ZNF329: variants seen among roughly 807,000 people sequenced by gnomAD.
ZNF329 encodes the protein zinc finger protein 329.
ZNF329 carries 15 observed loss-of-function variants against 26.6 expected under a neutral mutation model. That is an observed-to-expected ratio of 0.56 (90% CI 0.38 to 0.87). The LOEUF (loss-of-function observed/expected upper bound fraction) is 0.87, where lower values mean the gene tolerates loss of function less well. Among genes scored for constraint, ZNF329 ranks in the 40% least tolerant of loss-of-function variants. ZNF329 has a pLI of 0.00. For missense variants in ZNF329, 651 were observed against 651.9 expected, an observed-to-expected ratio of 1.00 and a Z score of 0.02; for synonymous variants, 239 against 233.5, an observed-to-expected ratio of 1.02 and a Z score of -0.21.
rs2074831458 is a variant in ZNF329, at chr19:58,127,733, G to A, written c.*145C>T. On this transcript the variant is annotated 3_prime_UTR_variant, in exon 4 of 4. Transcript: ENST00000598312. ...TTCCCCAATGAGCAGACTTAACAGT[G>A]TGGCTCAGCAATGTCTCACATTCAT... The A allele has an allele frequency of 7.3e-6, 6 of 823,686 alleles. No homozygotes were observed. Among genetic ancestry groups the A allele is most frequent in the Non-Finnish European group, 1.1e-5 (6 of 533,194 alleles). 51.0% of individuals were successfully genotyped at this position (823,686 alleles called of 1,614,324 possible).
In ZNF329 at chr19:58,128,523, G is replaced by A; in HGVS notation, c.981C>T (p.Ile327=). 2 of 1,614,178 alleles carry A rather than the reference G, an allele frequency of 1.2e-6. No individual in the cohort carries two copies. The highest frequency in any genetic ancestry group is 1.7e-6 in the Non-Finnish European group (2 of 1,180,014). Residue 327 remains isoleucine (I), a synonymous_variant, in exon 4 of 4, where the codon ATC becomes ATT. Transcript: ENST00000598312. ...CNECGKPFTD[I]SHLTVHLRIH... ...TTCTGAGATGCACTGTAAGGTGGGAGATGTCAGTGAAGGGTTTCCCACATT... is the reference window on the plus strand; with the variant it reads ...TTCTGAGATGCACTGTAAGGTGGGAAATGTCAGTGAAGGGTTTCCCACATT...
At chr19:58,153,298 C>A (rs1208373447), upstream of ZNF329, among the ~76,000 whole-genome samples, 1 of 152,052 alleles carries the variant, frequency 6.6e-6, no homozygotes, top group Non-Finnish European at 1.5e-5. Flanking sequence ...TTAGTAGAGA[C>A]AGGGTTTCAC....
chr19:58,146,695 C>A (rs2146125432), intron 1 of ZNF329, among the ~76,000 whole-genome samples: 1 of 151,754 alleles, frequency 6.6e-6, no homozygotes, highest in East Asian at 2.0e-4. Flanking sequence ...CAATTGCAGG[C>A]ACGCGCCGCC....
intron 3 of ZNF329, among the ~76,000 whole-genome samples, chr19:58,135,103 A>C (rs2075034741): frequency 6.6e-6 from 1 of 152,124 alleles, no homozygotes; most frequent in African/African-American, 2.4e-5. Context: ...ATTTTAAAAA[A>C]TGTTTTAATG....
chr19:58,149,826 C>T (rs536206139), intron 1 of ZNF329, among the ~76,000 whole-genome samples: 1 of 152,272 alleles, frequency 6.6e-6, no homozygotes, highest in East Asian at 1.9e-4. Context: ...CTGTGCATTT[C>T]ACTGAAAGTC....
At chr19:58,129,758 T>C (rs1200124666) in intron 3 of ZNF329, among the ~76,000 whole-genome samples, 1 of 152,138 alleles carries the variant, frequency 6.6e-6, no homozygotes, top group Non-Finnish European at 1.5e-5. Flanking sequence ...TCGGGATAAA[T>C]CATCACCAAA....
intron 3 of ZNF329, among the ~76,000 whole-genome samples, chr19:58,131,111 A>ATGTGTGTGTGTGTGTGTGTGTG (rs1555806890): frequency 1.9e-4 from 28 of 147,498 alleles, no homozygotes; most frequent in African/African-American, 6.2e-4. Flanking sequence ...ATACATGTAT[A>ATGTGTGTGTGTGTGTGTGTGTG]TGTGTATATG....
upstream of ZNF329, among the ~76,000 whole-genome samples, chr19:58,153,866 G>A (rs2075499521): frequency 6.6e-6 from 1 of 152,014 alleles, no homozygotes; most frequent in Non-Finnish European, 1.5e-5. Context: ...ACACCACCAT[G>A]CCTGGCTAAT....
In ZNF329 at chr19:58,133,037, C is replaced by T. The variant is rs1600059259; in HGVS notation, c.-8-3526G>A. ...CTATGTTAGCCAGGATGGTCTCGAG[C>T]TCCTGACCTCGTGATCCGCCCGCCT... On this transcript the variant is annotated intron_variant, in intron 3 of 3. Transcript: ENST00000598312. Among the ~76,000 whole-genome samples, 3 of 152,274 alleles carry T rather than the reference C, an allele frequency of 2.0e-5. No individual in the cohort carries two copies. In the East Asian group the frequency reaches 5.8e-4, roughly 29 times the overall value.
chr19:58,137,978 C>CAATA (rs201419885), intron 3 of ZNF329, among the ~76,000 whole-genome samples: 2,782 of 151,954 alleles, frequency 0.018, 81 homozygotes, highest in African/African-American at 0.063. Flanking sequence ...GACCCTGTCT[C>CAATA]AATAAATAAA....
rs766104828 is a variant in ZNF329 at position 58,129,422 on chromosome 19, C to T, written c.82G>A (p.Val28Ile). The T allele has an allele frequency of 6.2e-7, 1 of 1,614,188 alleles. No homozygotes were observed. Among genetic ancestry groups the T allele is most frequent in the South Asian group, 1.1e-5 (1 of 91,086 alleles). Residue 28 changes from valine to isoleucine, a missense_variant, in exon 4 of 4, where the codon GTT (valine) becomes ATT (isoleucine). By Grantham distance (29) the Val-to-Ile change is conservative (BLOSUM62 3). Coordinates refer to ENST00000598312, the MANE Select transcript of ZNF329 (RefSeq NM_024620.4). ...DVEVERFTRE[V>I]PCLSSLGDGW... The stretch of plus-strand genomic sequence containing the variant: ...TCACCTAAACTGGACAAGCAGGGAA[C>T]TTCCCTTGTGAATCTTTCCACTTCT...
chr19:58,147,534 CGGGA>C (rs1289409345), intron 1 of ZNF329, among the ~76,000 whole-genome samples: 30 of 142,824 alleles, frequency 2.1e-4, no homozygotes, highest in Non-Finnish European at 2.9e-4. Context: ...CCGCCCCGCC[CGGGA>C]GGGAGGTGGG....
intron 1 of ZNF329, among the ~76,000 whole-genome samples, chr19:58,148,523 G>T (rs1600100585): frequency 6.6e-6 from 1 of 151,254 alleles, no homozygotes; most frequent in African/African-American, 2.4e-5. Flanking sequence ...AGTATACTTG[G>T]GTGTGATAAT....
intron 3 of ZNF329, among the ~76,000 whole-genome samples, chr19:58,131,884 G>C (rs1005178652): frequency 6.6e-6 from 1 of 151,936 alleles, no homozygotes; most frequent in Non-Finnish European, 1.5e-5. Context: ...TTAGCCAGGC[G>C]TGGTGGCGGG....
intron 1 of ZNF329, among the ~76,000 whole-genome samples, chr19:58,146,463 G>C (rs1017353093): frequency 2.0e-5 from 3 of 151,690 alleles, no homozygotes; most frequent in African/African-American, 7.3e-5. Context: ...GACGGAGTAA[G>C]ATTCCATCTT....
chr19:58,138,879 C>A (rs972288872), intron 3 of ZNF329, among the ~76,000 whole-genome samples: 6 of 151,818 alleles, frequency 4.0e-5, no homozygotes. Context: ...CATCTGTAAT[C>A]CCAGCTACTC....
At chr19:58,153,401 C>T (rs547429774), upstream of ZNF329, among the ~76,000 whole-genome samples, 2 of 152,142 alleles carry the variant, frequency 1.3e-5, no homozygotes, top group Non-Finnish European at 2.9e-5. Context: ...TGAGCCACTG[C>T]GCCTGGCCAC....
chr19:58,137,839 C>T (rs1051294129), intron 3 of ZNF329, among the ~76,000 whole-genome samples: 2 of 146,292 alleles, frequency 1.4e-5, no homozygotes, highest in Admixed American at 6.9e-5. Flanking sequence ...AAAAGCCAGG[C>T]GTACTGGTAT....
intron 1 of ZNF329, among the ~76,000 whole-genome samples, chr19:58,146,065 G>A (rs1600092361): frequency 6.7e-6 from 1 of 150,288 alleles, no homozygotes; most frequent in Admixed American, 6.6e-5. Flanking sequence ...AACATGACAA[G>A]TCAATGTAAC....
Sources: allele counts gnomAD v4.1 joint callset (sites outside exome capture counted in the v4.1 genomes callset), GRCh38; gene constraint gnomAD v4.1.1; transcripts MANE v1.5; gene names NCBI Gene and HGNC (gene_info 2026-07-23, HGNC 2026-07-21).